MCF2L: variants seen among roughly 807,000 people sequenced by gnomAD.
The protein encoded by MCF2L is MCF.2 cell line derived transforming sequence like, also known as guanine nucleotide exchange factor DBS.
A neutral mutation model predicts 153.4 loss-of-function variants in MCF2L; 97 were observed. The ratio of observed to expected loss-of-function variants is 0.63; its 90% CI spans 0.54 to 0.75. The LOEUF (loss-of-function observed/expected upper bound fraction) is 0.75, where lower values mean the gene tolerates loss of function less well. Among genes scored for constraint, MCF2L ranks in the 30% least tolerant of loss-of-function variants. MCF2L has a pLI of 0.00. For synonymous variants in MCF2L, 659 were observed against 632.2 expected (o/e 1.04, Z -0.64); for missense variants, 1,347 against 1,495.2 (o/e 0.90, Z 1.64).
rs1177375860 is a variant in MCF2L at position 113,084,788 on chromosome 13, GATGCGGTGCCCGTCCCTCACCGCGTA to G, written c.2062-78_2062-53del. ...TCGCAGGGCCGGGAAGACGCTGCGTGATGCGGTGCCCGTCCCTCACCGCGTAATGCGGTGCCCGTCCCTCACCGCGT... is the reference window on the plus strand; with the variant it reads ...TCGCAGGGCCGGGAAGACGCTGCGTGATGCGGTGCCCGTCCCTCACCGCGT... On this transcript the variant is annotated intron_variant, in intron 18 of 29. Transcript: ENST00000535094. 9.4e-4 allele frequency: 801 copies of G among 848,886 alleles called. 1 individual carries two copies. The highest frequency in any genetic ancestry group is 1.3e-3 in the Non-Finnish European group (646 of 511,638). The allele number at this position is 848,886 out of a possible 1,614,324, so 52.6% of individuals were successfully genotyped here. A position where few individuals can be genotyped will look rare whatever the true frequency, so the allele number is the denominator to read the frequency against.
At position 113,096,431 on chromosome 13, in the gene MCF2L, G is replaced by C. The variant is rs924587033; in HGVS notation, c.3136G>C (p.Val1046Leu). The C allele has an allele frequency of 6.3e-7, 1 of 1,596,344 alleles. No individual in the cohort carries two copies. The highest frequency in any genetic ancestry group is 8.5e-7 in the Non-Finnish European group (1 of 1,172,754). The change falls in exon 28 of 30, where the codon GTG becomes CTG. Residue 1046 changes from valine (V) to leucine (L), a missense_variant. This residue lies in a region of MCF2L where 383 missense variants were observed against 335.4 expected (regional missense o/e 1.14). Coordinates refer to ENST00000535094, the MANE Select transcript of MCF2L (RefSeq NM_001112732.3). ...GAAGGGAGGCCCCGATGCGCTGCGC[G>C]TGAGGAGCGGGGACGTGGTGGAGCT... ...HEKGGPDALR[V>L]RSGDVVELVQ...
chr13:113,006,883 G>T (rs1187372425), intron 1 of MCF2L, among the ~76,000 whole-genome samples: 1 of 152,224 alleles, frequency 6.6e-6, no homozygotes, highest in East Asian at 1.9e-4. Flanking sequence ...GGCGGGGTGT[G>T]GGGAGGCAGC....
At chr13:112,926,735 T>A (rs940808286) in intron 2 of MCF2L, among the ~76,000 whole-genome samples, 2 of 152,152 alleles carry the variant, frequency 1.3e-5, no homozygotes, top group Non-Finnish European at 2.9e-5. Context: ...CTGCATGTTC[T>A]CACTTACATG....
intron 3 of MCF2L, among the ~76,000 whole-genome samples, chr13:113,030,453 CGCTG>C (rs2085603066): frequency 2.2e-5 from 3 of 134,570 alleles, no homozygotes; most frequent in East Asian, 2.2e-4. Context: ...CTCAGGTGTC[CGCTG>C]ACGCAGGTGT....
At chr13:112,973,160 C>A (rs910232727) in intron 1 of MCF2L, among the ~76,000 whole-genome samples, 1 of 152,242 alleles carries the variant, frequency 6.6e-6, no homozygotes, top group South Asian at 2.1e-4. Flanking sequence ...GCCAGCCCAG[C>A]GGTTTCTGAC....
At chr13:113,084,557 G>A in intron 18 of MCF2L, 2 of 387,962 alleles carry the variant, frequency 5.2e-6, no homozygotes, top group Non-Finnish European at 9.3e-6. Flanking sequence ...AATGCTAGAA[G>A]TTCTATTATA....
At chr13:112,931,048 C>T (rs1382444598) in intron 2 of MCF2L, among the ~76,000 whole-genome samples, 3 of 152,302 alleles carry the variant, frequency 2.0e-5, no homozygotes, top group South Asian at 4.2e-4. Context: ...AGAGCCAGGA[C>T]GCGCCTCTCA....
chr13:112,984,008 T>G (rs535052387), intron 1 of MCF2L, among the ~76,000 whole-genome samples: 1 of 152,182 alleles, frequency 6.6e-6, no homozygotes, highest in African/African-American at 2.4e-5. Context: ...CAAGAGTGGA[T>G]GTTGTCTGTT....
In MCF2L at chr13:113,087,504, G is replaced by T. The variant is rs200891016; in HGVS notation, c.2595+48G>T. ...CAGCACGCTCCTGGCCACAGACCCC[G>T]ACGGGGGAAGTCTGTAACTCGGTCT... On this transcript the variant is annotated intron_variant, in intron 22 of 29. Coordinates refer to ENST00000535094, the MANE Select transcript of MCF2L (RefSeq NM_001112732.3). 4 of 1,464,338 alleles carry T rather than the reference G, an allele frequency of 2.7e-6. No homozygotes were observed. In the African/African-American group the frequency reaches 5.6e-5, roughly 20 times the overall value. 90.7% of individuals were successfully genotyped at this position (1,464,338 alleles called of 1,614,324 possible). A position where few individuals can be genotyped will look rare whatever the true frequency, so the allele number is the denominator to read the frequency against.
At chr13:112,906,277 C>T (rs2081172189) in intron 2 of MCF2L, among the ~76,000 whole-genome samples, 1 of 152,236 alleles carries the variant, frequency 6.6e-6, no homozygotes, top group African/African-American at 2.4e-5. Flanking sequence ...GCAGACAGGC[C>T]TCCTCAGGGC....
At chr13:112,925,731 G>A (rs2081395027) in intron 2 of MCF2L, among the ~76,000 whole-genome samples, 1 of 151,970 alleles carries the variant, frequency 6.6e-6, no homozygotes, top group Non-Finnish European at 1.5e-5. Context: ...GTGGTCACTG[G>A]GTACATACAT....
Position 112,943,150 on chromosome 13 carries a change from A to G in MCF2L, c.169+40779A>G, listed in dbSNP as rs2081593443. ...AACAGCTGCGAGGAGCATCCAGCCT[A>G]GGGCTCAGCAGGTGTGACTTAAAGG... On this transcript the variant is annotated intron_variant, in intron 2 of 29. Coordinates refer to the MCF2L transcript ENST00000375608. This position sits in a 1 kb window ranked among gnomAD's most constrained non-coding sequence, Gnocchi z 4.2. Among the ~76,000 whole-genome samples the G allele has an allele frequency of 6.6e-6, 1 of 152,232 alleles. No individual in the cohort carries two copies. Among genetic ancestry groups the G allele is most frequent in the Non-Finnish European group, 1.5e-5 (1 of 68,038 alleles).
At chr13:113,036,623 C>G (rs971999264) in intron 3 of MCF2L, among the ~76,000 whole-genome samples, 6 of 152,244 alleles carry the variant, frequency 3.9e-5, no homozygotes, top group Non-Finnish European at 4.4e-5. Flanking sequence ...CGCGCTGTCC[C>G]GGCCCCGCAT....
chr13:112,963,548 A>ACC (rs1253403916), intron 2 of MCF2L, among the ~76,000 whole-genome samples: 2 of 152,090 alleles, frequency 1.3e-5, no homozygotes, highest in Non-Finnish European at 2.9e-5. Context: ...ACCTCCCTGC[A>ACC]CCTGTGTCTC....
chr13:112,968,365 G>C, upstream of MCF2L: 1 of 1,460,336 alleles, frequency 6.8e-7, no homozygotes, highest in Non-Finnish European at 9.1e-7. Context: ...ATATGGCCCT[G>C]TGATGGCGGC....
chr13:112,919,564 A>G (rs1307196266), intron 2 of MCF2L, among the ~76,000 whole-genome samples: 3 of 150,356 alleles, frequency 2.0e-5, no homozygotes, highest in Non-Finnish European at 4.4e-5. Context: ...GTTAGGAATC[A>G]CTGTTTTGTT....
At chr13:113,002,123 T>A in intron 1 of MCF2L, 1 of 1,020,014 alleles carries the variant, frequency 9.8e-7, no homozygotes, top group Non-Finnish European at 1.3e-6. Context: ...GGCTGGGGGA[T>A]GCCGGGGATG....
At chr13:113,022,289 G>A (rs918437625) in intron 2 of MCF2L, among the ~76,000 whole-genome samples, 1 of 152,086 alleles carries the variant, frequency 6.6e-6, no homozygotes. Flanking sequence ...CTGCCTCCAC[G>A]TTTGGGCATG....
chr13:112,911,114 C>CG (rs887880238), intron 2 of MCF2L, among the ~76,000 whole-genome samples: 2 of 152,100 alleles, frequency 1.3e-5, no homozygotes, highest in African/African-American at 4.8e-5. Context: ...GTTGAACCCC[C>CG]GCGGGTCTTC....
Sources: allele counts gnomAD v4.1 joint callset (sites outside exome capture counted in the v4.1 genomes callset), GRCh38; gene constraint gnomAD v4.1.1; regional missense constraint gnomAD v4.1.1; non-coding constraint Gnocchi (gnomAD v3.1); transcripts MANE v1.5; gene names NCBI Gene and HGNC (gene_info 2026-07-23, HGNC 2026-07-21).